The following FBXL13 variants were observed in gnomAD, a reference collection of about 807,000 sequenced individuals.
FBXL13 encodes F-box and leucine rich repeat protein 13.
In FBXL13, 67 loss-of-function variants were observed where a neutral mutation model predicts 83.6. The ratio of observed to expected loss-of-function variants is 0.80; its 90% CI spans 0.66 to 0.98. FBXL13 has a LOEUF of 0.98. FBXL13 is among the 50% of genes least tolerant of loss of function. The pLI, the probability that FBXL13 is intolerant of heterozygous loss-of-function variation, is 0.00. For synonymous variants in FBXL13, 272 were observed against 299.5 expected, an observed-to-expected ratio of 0.91 and a Z score of 0.95; for missense variants, 822 against 866.5, an observed-to-expected ratio of 0.95 and a Z score of 0.64.
At chr7:103,045,743 C>T (rs1365326156) in intron 2 of FBXL13, among the ~76,000 whole-genome samples, 1 of 152,222 alleles carries the variant, frequency 6.6e-6, no homozygotes, top group African/African-American at 2.4e-5. Context: ...TAGTCCAAAA[C>T]AGTGGCCTCC....
chr7:102,851,437 T>TTCCCTCCTTCCCTCCCTCTCCC (rs6150259), intron 17 of FBXL13, among the ~76,000 whole-genome samples: 67,670 of 143,740 alleles, frequency 0.47, 18,524 homozygotes, highest in African/African-American at 0.76. Context: ...TCTCTCTTTC[T>TTCCCTCCTTCCCTCCCTCTCCC]TCCCTCCTTC....
At chr7:103,000,130 A>C (rs1184012974) in intron 6 of FBXL13, among the ~76,000 whole-genome samples, 1 of 152,092 alleles carries the variant, frequency 6.6e-6, no homozygotes, top group Non-Finnish European at 1.5e-5. Flanking sequence ...AAGATATTTA[A>C]AAATTTTCAT....
intron 8 of FBXL13, among the ~76,000 whole-genome samples, chr7:102,951,319 T>C (rs1366490574): frequency 6.7e-6 from 1 of 150,082 alleles, no homozygotes; most frequent in Non-Finnish European, 1.5e-5. Flanking sequence ...GAGGTTGCAG[T>C]GAGCCAAGAT....
At chr7:103,012,578 A>G (rs1392239110) in intron 6 of FBXL13, among the ~76,000 whole-genome samples, 4 of 152,208 alleles carry the variant, frequency 2.6e-5, no homozygotes, top group Admixed American at 6.5e-5. Flanking sequence ...CAACGGAGAA[A>G]TAAAATACTT....
In FBXL13 at chr7:103,050,670, G is replaced by C. The variant is rs1398552852; in HGVS notation, c.-1+4974C>G. Among the ~76,000 whole-genome samples, 3 of 152,216 alleles carry C rather than the reference G, an allele frequency of 2.0e-5. No individual in the cohort carries two copies. The East Asian group carries it at 5.8e-4, about 29-fold the overall frequency. On this transcript the variant is annotated intron_variant, in intron 2 of 19. Transcript: ENST00000313221. Reference sequence around the variant, plus strand: ...CAAGGTGGGGAAGGTGAAGAGCTCAGGGAGGCCAGAGCAAGACCCACTCAT... The same window carrying C: ...CAAGGTGGGGAAGGTGAAGAGCTCACGGAGGCCAGAGCAAGACCCACTCAT...
intron 6 of FBXL13, among the ~76,000 whole-genome samples, chr7:102,989,651 G>A (rs1400416341): frequency 3.3e-5 from 5 of 152,160 alleles, no homozygotes; most frequent in African/African-American, 1.2e-4. Context: ...GTGACCGAGG[G>A]GCGAGTCTAT....
At chr7:102,971,923 G>A (rs1373479850) in intron 6 of FBXL13, among the ~76,000 whole-genome samples, 1 of 151,964 alleles carries the variant, frequency 6.6e-6, no homozygotes, top group Non-Finnish European at 1.5e-5. Flanking sequence ...CTACTTGGGA[G>A]GCTAAGGCAG....
intron 6 of FBXL13, among the ~76,000 whole-genome samples, chr7:103,015,652 C>T (rs1792204173): frequency 6.6e-6 from 1 of 152,056 alleles, no homozygotes; most frequent in Admixed American, 6.5e-5. Context: ...CAAAAACTAG[C>T]TGGGTTTGGT....
intron 8 of FBXL13, chr7:102,944,370 C>T (rs762463989): frequency 1.2e-6 from 2 of 1,614,080 alleles, no homozygotes; most frequent in Non-Finnish European, 1.7e-6. Context: ...ACCTCTACTA[C>T]TGGTTAAAGC....
intron 11 of FBXL13, among the ~76,000 whole-genome samples, chr7:102,900,011 T>C (rs538093189): frequency 1.3e-5 from 2 of 152,208 alleles, no homozygotes; most frequent in South Asian, 4.2e-4. Flanking sequence ...CACACCACTG[T>C]ACTCCAGCCT....
intron 19 of FBXL13, among the ~76,000 whole-genome samples, chr7:102,818,818 G>A (rs1183492732): frequency 6.6e-6 from 1 of 152,088 alleles, no homozygotes; most frequent in Admixed American, 6.5e-5. Flanking sequence ...AGGTTCAGGA[G>A]TACATGTACA....
chr7:103,015,171 C>T (rs917985165), intron 6 of FBXL13, among the ~76,000 whole-genome samples: 2 of 152,076 alleles, frequency 1.3e-5, no homozygotes, highest in African/African-American at 4.8e-5. Flanking sequence ...CCTCAAGAAA[C>T]TAGGCACTGA....
chr7:102,929,174 A>G (rs1284675158), intron 9 of FBXL13, among the ~76,000 whole-genome samples: 1 of 152,228 alleles, frequency 6.6e-6, no homozygotes, highest in Non-Finnish European at 1.5e-5. Flanking sequence ...CTATTTGTGT[A>G]TAATGCCTTC....
intron 6 of FBXL13, among the ~76,000 whole-genome samples, chr7:103,022,977 GA>G (rs1351607148): frequency 6.6e-6 from 1 of 152,016 alleles, no homozygotes; most frequent in East Asian, 1.9e-4. Context: ...AAATTTACAA[GA>G]AAAAAACACC....
chr7:103,030,345 G>A (rs1164405430), intron 2 of FBXL13, among the ~76,000 whole-genome samples: 7 of 152,188 alleles, frequency 4.6e-5, no homozygotes, highest in Admixed American at 3.9e-4. Context: ...TTTTGATGGA[G>A]ATTAAATGCA....
At chr7:102,944,394 C>T in intron 8 of FBXL13, 1 of 1,614,004 alleles carries the variant, frequency 6.2e-7, no homozygotes, top group Non-Finnish European at 8.5e-7. Context: ...ACTACAATGT[C>T]CATTTTAATG....
At chr7:102,926,526 G>T in intron 9 of FBXL13, 152 bp from the exon 11 acceptor site, 2 of 601,418 alleles carry the variant, frequency 3.3e-6, no homozygotes, top group Non-Finnish European at 5.7e-6. Context: ...AGGTTGAAAT[G>T]AAATTAAATA....
At chr7:102,915,830 TA>T (rs1815744316) in intron 10 of FBXL13, among the ~76,000 whole-genome samples, 1 of 152,226 alleles carries the variant, frequency 6.6e-6, no homozygotes, top group Admixed American at 6.5e-5. Flanking sequence ...GATTGTGAAC[TA>T]TCAGTGATAT....
intron 16 of FBXL13, among the ~76,000 whole-genome samples, chr7:102,874,832 G>T (rs1809005001): frequency 6.6e-6 from 1 of 152,190 alleles, no homozygotes; most frequent in Admixed American, 6.5e-5. Flanking sequence ...CTCCCAAAGT[G>T]CTGGGATTAC....
Sources: gnomAD v4.1 joint callset for allele counts (sites outside exome capture counted in the v4.1 genomes callset) on GRCh38, gnomAD v4.1.1 for gene constraint, MANE v1.5 for transcripts, NCBI Gene and HGNC (gene_info 2026-07-23, HGNC 2026-07-21) for gene names.